Variants in CD300A observed in about 807,000 individuals in gnomAD.
CD300A encodes the protein CD300a molecule.
CD300A carries 22 observed loss-of-function variants against 33.6 expected under a neutral mutation model. The ratio of observed to expected loss-of-function variants is 0.66; its 90% CI spans 0.47 to 0.94. The LOEUF is 0.94. Ranked by LOEUF, CD300A falls within the 40% of genes least tolerant of loss-of-function variation. The pLI is 0.00. For missense variants in CD300A, 326 were observed against 360.5 expected, an observed-to-expected ratio of 0.90 and a Z score of 0.77; for synonymous variants, 136 against 148.1, an observed-to-expected ratio of 0.92 and a Z score of 0.59.
chr17:74,471,516 T>TAG (rs1178069345), intron 1 of CD300A, among the ~76,000 whole-genome samples: 1 of 152,222 alleles, frequency 6.6e-6, no homozygotes, highest in African/African-American at 2.4e-5. Flanking sequence ...GTCACCACTC[T>TAG]ATAGACAAGG....
chr17:74,480,968 C>T lies in CD300A; in HGVS notation c.629-321C>T, dbSNP rs1023542373. 6.6e-6 allele frequency among the ~76,000 whole-genome samples: 1 copy of T among 152,170 alleles called. No homozygotes were observed. Among genetic ancestry groups the T allele is most frequent in the Non-Finnish European group, 1.5e-5 (1 of 68,040 alleles). ...TTCACCCTATTGGCCCGGCTGGTCTCGAACTCCTGACCTCAAGTGATCTGC... is the reference window on the plus strand; with the variant it reads ...TTCACCCTATTGGCCCGGCTGGTCTTGAACTCCTGACCTCAAGTGATCTGC... On this transcript the variant is annotated intron_variant, in intron 4 of 6. Coordinates refer to ENST00000360141, the MANE Select transcript of CD300A (RefSeq NM_007261.4). This position sits in a 1 kb window ranked among gnomAD's most constrained non-coding sequence, Gnocchi z 4.2.
Position 74,478,953 on chromosome 17 carries a change from G to C in CD300A, c.628+1423G>C, listed in dbSNP as rs140536963. ...CATCCTAAACTTCAGCACCCACGTG[G>C]ATGCCACTGGGTTGTCTCAGTTCTG... On this transcript the variant is annotated intron_variant, in intron 4 of 6. Coordinates refer to ENST00000360141, the MANE Select transcript of CD300A (RefSeq NM_007261.4). 4.0e-3 allele frequency among the ~76,000 whole-genome samples: 614 copies of C among 152,278 alleles called. 4 individuals are homozygous for C. The highest frequency in any genetic ancestry group is 0.014 in the African/African-American group (592 of 41,552).
At position 74,466,682 on chromosome 17, in the gene CD300A, C is replaced by G; in HGVS notation, c.-22C>G. The G allele has an allele frequency of 6.3e-7, 1 of 1,589,402 alleles. No individual in the cohort carries two copies. Among genetic ancestry groups the G allele is most frequent in the East Asian group, 2.3e-5 (1 of 43,864 alleles). ...TAGGGCCTGGAGCTGCTGCAAGTGC[C>G]GCCTGTGCTGGGGAAGGGACCATGT... On this transcript the variant is annotated 5_prime_UTR_variant, in exon 1 of 7. Transcript: ENST00000360141.
At position 74,484,144 on chromosome 17, in the gene CD300A, C is replaced by G. The variant is rs752639778; in HGVS notation, c.*18C>G. 1.1e-5 allele frequency: 18 copies of G among 1,612,212 alleles called. No homozygotes were observed. The South Asian group carries it at 2.0e-4, about 18-fold the overall frequency. The stretch of plus-strand genomic sequence containing the variant: ...AGACATAGGCTTTTGTCCTGCCTCG[C>G]CATCGGAGCTCTCATGGGCCCCAGG... On this transcript the variant is annotated 3_prime_UTR_variant, in exon 7 of 7. Coordinates refer to ENST00000360141, the MANE Select transcript of CD300A (RefSeq NM_007261.4).
At chr17:74,481,388 G>T in intron 5 of CD300A, 62 bp downstream of exon 5, 1 of 1,503,200 alleles carries the variant, frequency 6.7e-7, no homozygotes, top group South Asian at 1.1e-5. Context: ...AGGCTGCTGG[G>T]GAGTTGGACA....
intron 6 of CD300A, among the ~76,000 whole-genome samples, chr17:74,482,678 GTTCC>G (rs200839026): frequency 5.4e-5 from 7 of 129,572 alleles, no homozygotes; most frequent in East Asian, 4.1e-4. Context: ...TCCTGGCCAA[GTTCC>G]TTCCTTCCTT....
chr17:74,466,439 G>A (rs1276463862), upstream of CD300A: 6 of 561,130 alleles, frequency 1.1e-5, no homozygotes, highest in East Asian at 9.1e-5. Context: ...TACAGGGAGA[G>A]GTCTCATCAC....
chr17:74,479,918 GGC>G, intron 4 of CD300A, among the ~76,000 whole-genome samples: 6 of 152,248 alleles, frequency 3.9e-5, no homozygotes, highest in Admixed American at 3.9e-4. Flanking sequence ...CTGTGTGCCA[GGC>G]CTGTGCTGGG....
At chr17:74,481,477 C>G in intron 5 of CD300A, 151 bp downstream of exon 5, 4 of 738,474 alleles carry the variant, frequency 5.4e-6, no homozygotes. Flanking sequence ...GATGTGGTCA[C>G]TAGGTCTTGT....
chr17:74,481,353 T>G (rs1319547126), intron 5 of CD300A, 27 bp downstream of exon 5: 1 of 1,611,294 alleles, frequency 6.2e-7, no homozygotes, highest in Non-Finnish European at 8.5e-7. Flanking sequence ...AGGAGGTGTA[T>G]CAGGTGGCTG....
At chr17:74,473,450 C>T (rs953252190) in intron 1 of CD300A, 86 bp from the exon 2 acceptor site, 2 of 1,315,132 alleles carry the variant, frequency 1.5e-6, no homozygotes, top group African/African-American at 2.9e-5. Flanking sequence ...CCTCCACACC[C>T]CCAGGGTCCA....
Position 74,484,022 on chromosome 17 carries a change from C to T in CD300A, c.796C>T (p.His266Tyr). ...GCAGGCCTCCCCCAGGGAAGAACTT[C>T]ACTATGCCTCGGTGGTGTTTGATTC... ...STVASPREEL[H>Y]YASVVFDSNT... Residue 266 changes from histidine to tyrosine, a missense_variant, in exon 7 of 7, where the codon CAC becomes TAC. His to Tyr is a moderately conservative substitution (Grantham distance 83, BLOSUM62 2). Transcript: ENST00000360141. 2 of 1,614,046 alleles carry T rather than the reference C, an allele frequency of 1.2e-6. No individual in the cohort carries two copies. The highest frequency in any genetic ancestry group is 1.7e-6 in the Non-Finnish European group (2 of 1,179,944).
chr17:74,481,174 T>C, intron 4 of CD300A, 115 bp from the exon 5 acceptor site: 1 of 885,282 alleles, frequency 1.1e-6, no homozygotes, highest in Non-Finnish European at 1.9e-6. Context: ...CCTGAAGGGA[T>C]AGGTCCCCAG....
intron 1 of CD300A, 71 bp downstream of exon 1, chr17:74,466,814 G>T: frequency 6.4e-7 from 1 of 1,551,912 alleles, no homozygotes; most frequent in East Asian, 2.4e-5. Context: ...CGCAGGGCAG[G>T]TATCACACGA....
At position 74,474,677 on chromosome 17, in the gene CD300A, G is replaced by C; in HGVS notation, c.525G>C (p.Val175=). 1 of 1,614,116 alleles carries C rather than the reference G, an allele frequency of 6.2e-7. No individual in the cohort carries two copies. The highest frequency in any genetic ancestry group is 8.5e-7 in the Non-Finnish European group (1 of 1,179,986). Residue 175 remains valine, a synonymous_variant, in exon 3 of 7, where the codon GTG becomes GTC. Transcript: ENST00000360141. ...TCCAGGAGGAAACTGAGGAGGTGGT[G>C]AACTCACAGTAAGCACCCTAGCCCC... The part of the protein sequence containing the change: ...ASIQEETEEV[V]NSQLPLLLSL...
chr17:74,477,590 C>A (rs569822183), intron 4 of CD300A, 60 bp downstream of exon 4: 3 of 1,085,710 alleles, frequency 2.8e-6, no homozygotes, highest in Non-Finnish European at 4.2e-6. Context: ...TGACCACAGA[C>A]GCTCATCTTC....
intron 1 of CD300A, 166 bp downstream of exon 1, chr17:74,466,909 C>G (rs1045558919): frequency 6.8e-7 from 1 of 1,464,398 alleles, no homozygotes; most frequent in Non-Finnish European, 9.0e-7. Flanking sequence ...AAGGTCCACA[C>G]CCCTGGGAGA....
At chr17:74,473,986 G>A (rs1356110037) in intron 2 of CD300A, 112 bp downstream of exon 2, 2 of 1,246,580 alleles carry the variant, frequency 1.6e-6, no homozygotes, top group Non-Finnish European at 2.2e-6. Flanking sequence ...GCGTAAGAGA[G>A]AGAGAGGTGG....
chr17:74,473,658 A>G lies in CD300A; in HGVS notation c.163A>G (p.Ile55Val), dbSNP rs1275501481. ...LNKYWCRPPQ[I>V]FLCDKIVETK... The stretch of plus-strand genomic sequence containing the variant: ...CAAATACTGGTGCAGACCACCACAG[A>G]TTTTCCTATGTGACAAGATTGTGGA... Residue 55 changes from isoleucine (I) to valine (V), a missense_variant, in exon 2 of 7, where the codon ATT becomes GTT. Ile to Val is a conservative substitution (Grantham distance 29, BLOSUM62 3). Transcript: ENST00000360141. 4 of 1,614,220 alleles carry G rather than the reference A, an allele frequency of 2.5e-6. No homozygotes were observed.
Sources: gnomAD v4.1 joint callset for allele counts (sites outside exome capture counted in the v4.1 genomes callset) on GRCh38, gnomAD v4.1.1 for gene constraint, Gnocchi (gnomAD v3.1) non-coding constraint, MANE v1.5 for transcripts, NCBI Gene and HGNC (gene_info 2026-07-23, HGNC 2026-07-21) for gene names.